Variants in NBR1 observed in about 807,000 individuals in gnomAD.
NBR1 encodes next to BRCA1 gene 1 protein.
NBR1 carries 59 observed loss-of-function variants against 115.5 expected under a neutral mutation model. The observed-to-expected ratio is 0.51, with a 90% confidence interval of 0.41 to 0.63. The LOEUF is 0.63. Ranked by LOEUF, NBR1 falls within the 30% of genes least tolerant of loss-of-function variation. The probability of loss-of-function intolerance (pLI) is 0.00; values close to 1 mark genes in which losing one functional copy is unlikely to be tolerated. For missense variants in NBR1, 1,043 were observed against 1,150.5 expected (o/e 0.91, Z 1.35); for synonymous variants, 373 against 414.7 (o/e 0.90, Z 1.22).
chr17:43,180,593 G>A (rs2056638496), intron 4 of NBR1, among the ~76,000 whole-genome samples: 1 of 152,044 alleles, frequency 6.6e-6, no homozygotes, highest in African/African-American at 2.4e-5. Flanking sequence ...CAAAAATCAT[G>A]AATATAATTT....
intron 5 of NBR1, among the ~76,000 whole-genome samples, chr17:43,183,838 T>G (rs541646563): frequency 7.2e-4 from 110 of 152,150 alleles, no homozygotes; most frequent in African/African-American, 2.6e-3. Flanking sequence ...TTTTGTATTT[T>G]TAGTAGAAAT....
chr17:43,201,862 T>C (rs751942736), intron 18 of NBR1, 82 bp downstream of exon 18: 1 of 810,578 alleles, frequency 1.2e-6, no homozygotes, highest in Non-Finnish European at 2.0e-6. Flanking sequence ...TCTCTCTTCG[T>C]GATTCTTGGT....
upstream of NBR1, chr17:43,171,060 T>C (rs2056345707): frequency 1.3e-5 from 2 of 152,548 alleles, no homozygotes; most frequent in African/African-American, 4.8e-5. Flanking sequence ...TTTGTTATTG[T>C]TGTTCGGGTT....
intron 4 of NBR1, among the ~76,000 whole-genome samples, chr17:43,180,299 T>C (rs1033376839): frequency 6.6e-6 from 1 of 152,172 alleles, no homozygotes; most frequent in African/African-American, 2.4e-5. Context: ...GGATATATGG[T>C]ATAACCTATT....
At chr17:43,192,647 G>A in intron 10 of NBR1, among the ~76,000 whole-genome samples, 1 of 152,206 alleles carries the variant, frequency 6.6e-6, no homozygotes, top group Admixed American at 6.5e-5. Flanking sequence ...GGGATGACAG[G>A]CGTGAGCCAC....
At chr17:43,199,222 A>G (rs1489863539) in intron 16 of NBR1, among the ~76,000 whole-genome samples, 1 of 151,776 alleles carries the variant, frequency 6.6e-6, no homozygotes, top group African/African-American at 2.4e-5. Context: ...CCACAGCCAC[A>G]TGCTACCACA....
At chr17:43,190,831 G>A (rs1380497099) in intron 9 of NBR1, 55 bp downstream of exon 9, 4 of 1,509,798 alleles carry the variant, frequency 2.6e-6, no homozygotes, top group East Asian at 2.3e-5. Flanking sequence ...TGGTTCTGGT[G>A]ACAGGGTATG....
chr17:43,191,978 C>T (rs1231889963), intron 10 of NBR1, among the ~76,000 whole-genome samples: 1 of 150,842 alleles, frequency 6.6e-6, no homozygotes, highest in Non-Finnish European at 1.5e-5. Context: ...CCTTGGACTC[C>T]CAAAGTGTTG....
chr17:43,190,316 T>C (rs2056913210), intron 8 of NBR1: 2 of 400,772 alleles, frequency 5.0e-6, no homozygotes, highest in Non-Finnish European at 9.4e-6. Flanking sequence ...AATGATCCTC[T>C]TCTCCATGGC....
chr17:43,199,718 T>C (rs35242533), intron 16 of NBR1, among the ~76,000 whole-genome samples: 1,689 of 152,172 alleles, frequency 0.011, 38 homozygotes, highest in African/African-American at 0.039. Context: ...TCAAACATGA[T>C]TGGCCAGTTT....
chr17:43,190,290 C>G (rs2056912499), intron 8 of NBR1: 1 of 373,392 alleles, frequency 2.7e-6, no homozygotes, highest in Non-Finnish European at 5.1e-6. Flanking sequence ...AGGCTAGTCT[C>G]AAACTACTGG....
At chr17:43,178,165 G>C (rs2056570666) in intron 3 of NBR1, 167 bp downstream of exon 3, 1 of 742,282 alleles carries the variant, frequency 1.3e-6, no homozygotes, top group Admixed American at 2.9e-5. Flanking sequence ...CTGAGATGGA[G>C]TTGAGAAATG....
At chr17:43,192,242 C>T (rs957029655) in intron 10 of NBR1, among the ~76,000 whole-genome samples, 4 of 151,118 alleles carry the variant, frequency 2.6e-5, no homozygotes, top group Admixed American at 6.6e-5. Context: ...AGGCTGGTCT[C>T]GAACTCCTGA....
intron 20 of NBR1, among the ~76,000 whole-genome samples, chr17:43,206,310 T>C (rs980114552): frequency 1.3e-5 from 2 of 152,114 alleles, no homozygotes; most frequent in African/African-American, 4.8e-5. Flanking sequence ...ATTGACATGA[T>C]GAGATCTGTT....
intron 10 of NBR1, among the ~76,000 whole-genome samples, chr17:43,191,963 G>A (rs898543478): frequency 4.7e-5 from 7 of 148,224 alleles, no homozygotes; most frequent in African/African-American, 1.2e-4. Context: ...CTCGTGATCC[G>A]CCCGCCTTGG....
chr17:43,175,968 T>G (rs1373201682), intron 2 of NBR1, 67 bp downstream of exon 2: 4 of 915,902 alleles, frequency 4.4e-6, no homozygotes, highest in Non-Finnish European at 6.9e-6. Flanking sequence ...GGTAGCTATT[T>G]TTAGCAGTGT....
intron 14 of NBR1, among the ~76,000 whole-genome samples, 179 bp from the exon 15 acceptor site, chr17:43,196,302 G>A (rs1255619058): frequency 6.6e-6 from 1 of 152,106 alleles, no homozygotes; most frequent in African/African-American, 2.4e-5. Flanking sequence ...TGATTGATCT[G>A]AGATATTTTG....
chr17:43,194,345 T>C lies in NBR1; in HGVS notation c.1525-5T>C. 1.9e-6 allele frequency: 3 copies of C among 1,612,066 alleles called. No individual in the cohort carries two copies. The highest frequency in any genetic ancestry group is 1.1e-5 in the South Asian group (1 of 90,880). On this transcript the variant is annotated splice_region_variant and splice_polypyrimidine_tract_variant and intron_variant, in intron 12 of 20. Coordinates refer to ENST00000590996, the MANE Select transcript of NBR1 (RefSeq NM_005899.5). ...AAAATTTGTCTCAATGGTTTGTCTC[T>C]ATAGGAAACTTTTCTTCTGGCTAAA... is the stretch of plus-strand genomic sequence containing the variant.
intron 20 of NBR1, among the ~76,000 whole-genome samples, chr17:43,205,628 A>G (rs71379212): frequency 0.36 from 54,899 of 151,880 alleles, 10,090 homozygotes; most frequent in South Asian, 0.5. Flanking sequence ...TGTAATCCCA[A>G]CAGGTTGGGA....
Sources: allele counts gnomAD v4.1 joint callset (sites outside exome capture counted in the v4.1 genomes callset), GRCh38; gene constraint gnomAD v4.1.1; transcripts MANE v1.5; gene names NCBI Gene and HGNC (gene_info 2026-07-23, HGNC 2026-07-21).